Variants in USH2A observed in about 807,000 individuals in gnomAD.
USH2A encodes Usher syndrome 2A (autosomal recessive, mild).
Under a neutral mutation model 538.9 loss-of-function variants are expected in USH2A, and 443 were observed. The observed-to-expected ratio is 0.82, with a 90% CI of 0.76 to 0.89. The LOEUF is 0.89. Ranked by LOEUF, USH2A falls within the 40% of genes least tolerant of loss-of-function variation. The pLI is 0.00. For synonymous variants in USH2A, 2,413 were observed against 2,273.5 expected (o/e 1.06, Z -1.75); for missense variants, 6,633 against 6,324.8 (o/e 1.05, Z -1.65).
intron 52 of USH2A, among the ~76,000 whole-genome samples, chr1:215,783,980 T>C (rs1661719960): frequency 1.3e-5 from 2 of 152,170 alleles, no homozygotes; most frequent in Non-Finnish European, 1.5e-5. Flanking sequence ...GAAAATACAA[T>C]GCAATAAATT....
intron 63 of USH2A, among the ~76,000 whole-genome samples, chr1:215,673,652 C>T (rs1176759249): frequency 3.3e-5 from 5 of 152,148 alleles, no homozygotes; most frequent in South Asian, 2.1e-4. Flanking sequence ...AGGCTCTTCA[C>T]GAAACAAATT....
intron 14 of USH2A, among the ~76,000 whole-genome samples, chr1:216,231,308 G>A (rs1163875435): frequency 3.9e-4 from 35 of 89,416 alleles, no homozygotes; most frequent in Non-Finnish European, 5.9e-4. Context: ...GAGAGAGAGA[G>A]AGAGAGAGAA....
intron 15 of USH2A, among the ~76,000 whole-genome samples, chr1:216,210,818 T>C (rs1482001364): frequency 2.0e-5 from 3 of 151,940 alleles, no homozygotes; most frequent in African/African-American, 7.3e-5. Context: ...CCGTCTCTAC[T>C]AAAAATACAA....
chr1:216,232,227 A>G, intron 13 of USH2A, 91 bp from the exon 14 acceptor site: 1 of 1,384,236 alleles, frequency 7.2e-7, no homozygotes, highest in Non-Finnish European at 9.8e-7. Context: ...AAAACAGAAT[A>G]CTCTACCAAG....
chr1:216,112,471 T>G (rs1034091015), intron 21 of USH2A, among the ~76,000 whole-genome samples: 3 of 152,146 alleles, frequency 2.0e-5, no homozygotes, highest in African/African-American at 7.2e-5. Context: ...ATAAAAACTT[T>G]TATTTTAGGT....
chr1:216,205,846 A>AT lies in USH2A; in HGVS notation c.3316+1426dup, dbSNP rs959976187. Among the ~76,000 whole-genome samples the AT allele has an allele frequency of 5.6e-4, 85 of 152,126 alleles. 2 individuals carry two copies. The highest frequency in any genetic ancestry group is 5.3e-3 in the Admixed American group (81 of 15,268). On this transcript the variant is annotated intron_variant, in intron 16 of 71. Transcript: ENST00000307340. ...GAGCTGGAATAATGTAAAAATTCCT[A>AT]TTTTTTTCATTCTGTCTTTAGGGAA...
chr1:215,852,302 A>G (rs918524569), intron 44 of USH2A, among the ~76,000 whole-genome samples: 2 of 152,172 alleles, frequency 1.3e-5, no homozygotes, highest in Non-Finnish European at 2.9e-5. Context: ...TTATAAAACC[A>G]TCAGATCTCA....
chr1:215,797,680 C>A (rs777518700), intron 50 of USH2A, among the ~76,000 whole-genome samples: 35 of 151,984 alleles, frequency 2.3e-4, no homozygotes, highest in Non-Finnish European at 4.6e-4. Context: ...GTATTTTAAG[C>A]TCATTATTGA....
chr1:216,134,986 G>T (rs888369045), intron 21 of USH2A, among the ~76,000 whole-genome samples: 1 of 151,926 alleles, frequency 6.6e-6, no homozygotes, highest in Non-Finnish European at 1.5e-5. Flanking sequence ...TTCTCAAACT[G>T]GCAGATCATA....
At chr1:215,952,895 T>C (rs556248034) in intron 37 of USH2A, among the ~76,000 whole-genome samples, 131 of 152,174 alleles carry the variant, frequency 8.6e-4, no homozygotes, top group African/African-American at 3.0e-3. Flanking sequence ...TTTGCAAAAA[T>C]CACAAGCATT....
Position 215,691,582 on chromosome 1 carries a change from A to G in USH2A, c.12067-11206T>C, listed in dbSNP as rs74144005. Among the ~76,000 whole-genome samples, 427 of 152,014 alleles carry G rather than the reference A, an allele frequency of 2.8e-3. 2 individuals carry two copies. The highest frequency in any genetic ancestry group is 7.6e-3 in the African/African-American group (316 of 41,474). On this transcript the variant is annotated intron_variant, in intron 61 of 71. Coordinates refer to ENST00000307340, the MANE Select transcript of USH2A (RefSeq NM_206933.4). The stretch of plus-strand genomic sequence containing the variant: ...CCACTCTCCTCCCTGTCTCCTCCCA[A>G]TTTTGATTCTTTTTATCCTGATTTA...
At chr1:215,743,047 A>G in intron 59 of USH2A, 130 bp downstream of exon 59, 1 of 1,072,180 alleles carries the variant, frequency 9.3e-7, no homozygotes, top group Admixed American at 1.9e-5. Context: ...CTGGGTAAAC[A>G]GTCCACTACA....
At chr1:216,106,117 A>G (rs1034283569) in intron 21 of USH2A, among the ~76,000 whole-genome samples, 3 of 149,104 alleles carry the variant, frequency 2.0e-5, no homozygotes, top group African/African-American at 7.3e-5. Flanking sequence ...TTGAACGAAA[A>G]CTTGATCCCT....
intron 49 of USH2A, among the ~76,000 whole-genome samples, chr1:215,800,670 T>C (rs975631840): frequency 2.6e-5 from 4 of 152,172 alleles, no homozygotes; most frequent in Admixed American, 6.6e-5. Context: ...GGACAATATT[T>C]AATTAAACAT....
At chr1:216,331,960 T>C (rs2102665714) in intron 4 of USH2A, among the ~76,000 whole-genome samples, 1 of 152,248 alleles carries the variant, frequency 6.6e-6, no homozygotes, top group South Asian at 2.1e-4. Context: ...AGCAAAGACT[T>C]GCAACAATGT....
In USH2A at chr1:216,321,960, G is replaced by A. The variant is rs2037621853; in HGVS notation, c.1567C>T (p.His523Tyr). The A allele has an allele frequency of 1.2e-6, 2 of 1,613,640 alleles. No homozygotes were observed. Among genetic ancestry groups the A allele is most frequent in the Non-Finnish European group, 1.7e-6 (2 of 1,179,862 alleles). Residue 523 changes from histidine (H) to tyrosine (Y), a missense_variant, in exon 9 of 72, where the codon CAT (histidine) becomes TAT (tyrosine). Coordinates refer to ENST00000307340, the MANE Select transcript of USH2A (RefSeq NM_206933.4). Reference sequence around the variant, plus strand: ...CTTGTTGTGTCGCAGTTATCGGCATGACCATGGCACTGACATCTGCAAACA... The same window carrying A: ...CTTGTTGTGTCGCAGTTATCGGCATAACCATGGCACTGACATCTGCAAACA... Reference protein sequence around the residue: ...TISGRCQCHGHADNCDTTSQP... With the variant: ...TISGRCQCHGYADNCDTTSQP...
intron 64 of USH2A, among the ~76,000 whole-genome samples, chr1:215,661,058 T>C (rs1657422246): frequency 6.6e-6 from 1 of 152,350 alleles, no homozygotes; most frequent in African/African-American, 2.4e-5. Context: ...TACTTAGTGG[T>C]TTATCAATAA....
chr1:215,808,039 C>T (rs542642250), intron 49 of USH2A, among the ~76,000 whole-genome samples: 14 of 152,138 alleles, frequency 9.2e-5, no homozygotes, highest in African/African-American at 3.4e-4. Context: ...GATATGGAGC[C>T]AGGCAGTTTG....
chr1:216,111,463 G>A (rs1476703412), intron 21 of USH2A, among the ~76,000 whole-genome samples: 1 of 151,812 alleles, frequency 6.6e-6, no homozygotes, highest in Non-Finnish European at 1.5e-5. Context: ...AATCCTGCTA[G>A]GAAACACATG....
Sources: allele counts gnomAD v4.1 joint callset (sites outside exome capture counted in the v4.1 genomes callset), GRCh38; gene constraint gnomAD v4.1.1; transcripts MANE v1.5; gene names NCBI Gene and HGNC (gene_info 2026-07-23, HGNC 2026-07-21).